Variants in DSCAML1 observed in about 807,000 individuals in gnomAD.
The protein encoded by DSCAML1 is cell adhesion molecule DSCAML1.
A neutral mutation model predicts 200.5 loss-of-function variants in DSCAML1; 38 were observed. The ratio of observed to expected loss-of-function variants is 0.19; its 90% confidence interval spans 0.15 to 0.25. The LOEUF is 0.25. Ranked by LOEUF, DSCAML1 falls within the 10% of genes least tolerant of loss-of-function variation. The probability of loss-of-function intolerance (pLI) is 1.00; values close to 1 mark genes in which losing one functional copy is unlikely to be tolerated. For synonymous variants in DSCAML1, 1,215 were observed against 1,165.0 expected (o/e 1.04, Z -0.87); for missense variants, 2,223 against 2,858.8 (o/e 0.78, Z 5.07).
Position 117,430,770 on chromosome 11 carries a change from C to A in DSCAML1, c.5638G>T (p.Asp1880Tyr). The change falls in exon 32 of 33, where the codon GAC becomes TAC. Residue 1880 changes from aspartate to tyrosine, a missense_variant. Coordinates refer to ENST00000651296, the MANE Select transcript of DSCAML1 (RefSeq NM_020693.4). ...GGCACAGCCACGTTTTTGCCCCGGT[C>A]CGCATCCTGGGGCTTGGGTGGTGAG... ...TASPPKPQDA[D>Y]RGKNVAVPIP... 1 of 1,614,050 alleles carries A rather than the reference C, an allele frequency of 6.2e-7. No homozygotes were observed. Among genetic ancestry groups the A allele is most frequent in the Non-Finnish European group, 8.5e-7 (1 of 1,180,018 alleles).
chr11:117,431,439 G>C, intron 31 of DSCAML1, 95 bp downstream of exon 31: 1 of 1,210,378 alleles, frequency 8.3e-7, no homozygotes, highest in Non-Finnish European at 1.1e-6. Context: ...GGCCCCATGA[G>C]CTGGTGGGTA....
chr11:117,656,011 G>A (rs1007320644), intron 3 of DSCAML1, among the ~76,000 whole-genome samples: 2 of 152,222 alleles, frequency 1.3e-5, no homozygotes, highest in Non-Finnish European at 2.9e-5. Context: ...GGAGGCCGAG[G>A]CGGGCAGATC....
At chr11:117,682,439 C>T (rs1456449862) in intron 3 of DSCAML1, among the ~76,000 whole-genome samples, 1 of 152,218 alleles carries the variant, frequency 6.6e-6, no homozygotes, top group African/African-American at 2.4e-5. Context: ...AGAGTTCCTG[C>T]CCATCCTTCT....
chr11:117,750,264 T>C (rs1056947866), intron 3 of DSCAML1, among the ~76,000 whole-genome samples: 1 of 152,220 alleles, frequency 6.6e-6, no homozygotes, highest in African/African-American at 2.4e-5. Context: ...GCACTGCCCC[T>C]ACTCCTGACC....
At chr11:117,603,360 C>T (rs575106233) in intron 3 of DSCAML1, among the ~76,000 whole-genome samples, 4 of 152,306 alleles carry the variant, frequency 2.6e-5, no homozygotes, top group South Asian at 2.1e-4. Flanking sequence ...GGAAACCCCA[C>T]GTGTAAATCA....
chr11:117,650,432 GAATGC>G (rs2052607016), intron 3 of DSCAML1, among the ~76,000 whole-genome samples: 2 of 152,164 alleles, frequency 1.3e-5, no homozygotes, highest in Non-Finnish European at 2.9e-5. Context: ...ATGAATGAAT[GAATGC>G]CCTGAAGAGA....
At chr11:117,630,150 G>C (rs1186790630) in intron 3 of DSCAML1, among the ~76,000 whole-genome samples, 1 of 152,136 alleles carries the variant, frequency 6.6e-6, no homozygotes, top group Non-Finnish European at 1.5e-5. Context: ...CTGCCCTTCT[G>C]TCCCCCACAG....
intron 3 of DSCAML1, among the ~76,000 whole-genome samples, chr11:117,625,342 TA>T (rs2052021891): frequency 6.6e-6 from 1 of 150,432 alleles, no homozygotes; most frequent in East Asian, 2.0e-4. Context: ...CAATGAGAGA[TA>T]AGGCTTAAAA....
chr11:117,461,318 G>A (rs932853851), intron 18 of DSCAML1, 132 bp downstream of exon 18: 1 of 1,335,602 alleles, frequency 7.5e-7, no homozygotes, highest in Admixed American at 2.1e-5. Context: ...GTCTCCCCGT[G>A]TGGAGAAGAG....
At chr11:117,710,788 C>T (rs1277295125) in intron 3 of DSCAML1, among the ~76,000 whole-genome samples, 1 of 152,178 alleles carries the variant, frequency 6.6e-6, no homozygotes, top group Non-Finnish European at 1.5e-5. Context: ...TGGATGGGCC[C>T]TGTGGACAAT....
intron 3 of DSCAML1, among the ~76,000 whole-genome samples, chr11:117,581,642 C>T (rs969171349): frequency 3.9e-5 from 6 of 152,146 alleles, no homozygotes; most frequent in African/African-American, 1.4e-4. Flanking sequence ...CCATGCGTTA[C>T]TTTTACATGC....
In DSCAML1 at chr11:117,480,688, G is replaced by T. The variant is rs1478985215; in HGVS notation, c.2657-117C>A. ...TAGCCAAGGACTCTGGCACCCTAGG[G>T]TTTGAGCAGGGTGGGGGCTGGAGGA... On this transcript the variant is annotated intron_variant, in intron 13 of 32. Coordinates refer to ENST00000651296, the MANE Select transcript of DSCAML1 (RefSeq NM_020693.4). This position sits in a 1 kb window ranked among gnomAD's most constrained non-coding sequence, Gnocchi z 4.1. 5.7e-6 allele frequency: 7 copies of T among 1,217,846 alleles called. No homozygotes were observed. The highest frequency in any genetic ancestry group is 8.0e-6 in the Non-Finnish European group (7 of 872,752). The allele number at this position is 1,217,846 out of a possible 1,614,324, so 75.4% of individuals were successfully genotyped here. A position where few individuals can be genotyped will look rare whatever the true frequency, so the allele number is the denominator to read the frequency against.
At chr11:117,604,958 G>T (rs969375387) in intron 3 of DSCAML1, among the ~76,000 whole-genome samples, 10 of 152,126 alleles carry the variant, frequency 6.6e-5, no homozygotes, top group African/African-American at 2.4e-4. Flanking sequence ...TGTGGGTTTC[G>T]GGAGGAACCT....
chr11:117,562,058 C>T (rs556355818), intron 3 of DSCAML1, among the ~76,000 whole-genome samples: 1 of 152,302 alleles, frequency 6.6e-6, no homozygotes, highest in East Asian at 1.9e-4. Flanking sequence ...GCCTCTGCTG[C>T]AGAGACAGTG....
At chr11:117,624,252 G>A (rs1476417638) in intron 3 of DSCAML1, among the ~76,000 whole-genome samples, 1 of 152,146 alleles carries the variant, frequency 6.6e-6, no homozygotes, top group African/African-American at 2.4e-5. Context: ...GGGAAGGATG[G>A]GGAGCAGAGC....
intron 11 of DSCAML1, among the ~76,000 whole-genome samples, chr11:117,494,534 C>A (rs569265470): frequency 1.3e-5 from 2 of 152,270 alleles, no homozygotes; most frequent in African/African-American, 4.8e-5. Flanking sequence ...GTTTCAGATG[C>A]TGGAAAGCAT....
rs529021254 is a variant in DSCAML1 at position 117,473,267 on chromosome 11, C to A, written c.2786-1231G>T. Among the ~76,000 whole-genome samples the A allele has an allele frequency of 3.9e-5, 6 of 152,090 alleles. No homozygotes were observed. The South Asian group carries it at 1.2e-3, about 32-fold the overall frequency. On this transcript the variant is annotated intron_variant, in intron 14 of 32. Coordinates refer to ENST00000651296, the MANE Select transcript of DSCAML1 (RefSeq NM_020693.4). ...ATCCCAGCACTTTGGGAGGCCAAGG[C>A]GGGTGGATCATTTGAGGTCAGGAGT... is the stretch of plus-strand genomic sequence containing the variant.
chr11:117,496,802 C>G (rs919196974), intron 11 of DSCAML1, among the ~76,000 whole-genome samples: 2 of 152,214 alleles, frequency 1.3e-5, no homozygotes, highest in Non-Finnish European at 2.9e-5. Context: ...GCAGGTTCAT[C>G]CCTCCTATCC....
chr11:117,704,059 C>T (rs74796659), intron 3 of DSCAML1, among the ~76,000 whole-genome samples: 1,964 of 137,260 alleles, frequency 0.014, 20 homozygotes, highest in Admixed American at 0.018. Flanking sequence ...CTAATCCCAA[C>T]GAAGAAAGGA....
Sources: allele counts gnomAD v4.1 joint callset (sites outside exome capture counted in the v4.1 genomes callset), GRCh38; gene constraint gnomAD v4.1.1; non-coding constraint Gnocchi (gnomAD v3.1); transcripts MANE v1.5; gene names NCBI Gene and HGNC (gene_info 2026-07-23, HGNC 2026-07-21).